The following SLC30A10 variants were observed in gnomAD, a reference collection of about 807,000 sequenced individuals.
SLC30A10 encodes solute carrier family 30 member 10, also known as calcium/manganese antiporter SLC30A10.
A neutral mutation model predicts 21.7 loss-of-function variants in SLC30A10; 8 were observed. The observed-to-expected ratio is 0.37, with a 90% CI of 0.22 to 0.67. SLC30A10 has a LOEUF of 0.67. Among genes scored for constraint, SLC30A10 ranks in the 30% least tolerant of loss-of-function variants. The pLI is 0.58. For synonymous variants in SLC30A10, 272 were observed against 279.4 expected (o/e 0.97, Z 0.26); for missense variants, 521 against 642.5 (o/e 0.81, Z 2.04).
At position 219,928,104 on chromosome 1, in the gene SLC30A10, G is replaced by C. The variant is rs1276127885; in HGVS notation, c.337C>G (p.Pro113Ala). The change falls in exon 1 of 4, where the codon CCC becomes GCC. Residue 113 changes from proline (P) to alanine (A), a missense_variant. Pro to Ala is a conservative substitution (Grantham distance 27). Coordinates refer to ENST00000366926, the MANE Select transcript of SLC30A10 (RefSeq NM_018713.3). The surrounding 1 kb of genome is among the most constrained non-coding windows in gnomAD (Gnocchi z 6.3). The part of the protein sequence containing the change: ...RLARPERIDD[P>A]ELVLIVGVLG... ...ACGCCGACGATGAGCACCAGCTCGGGGTCATCGATGCGCTCGGGCCGGGCC... is the reference window on the plus strand; with the variant it reads ...ACGCCGACGATGAGCACCAGCTCGGCGTCATCGATGCGCTCGGGCCGGGCC... 6 of 1,578,360 alleles carry C rather than the reference G, an allele frequency of 3.8e-6. No homozygotes were observed. The highest frequency in any genetic ancestry group is 5.2e-6 in the Non-Finnish European group (6 of 1,163,250).
At chr1:219,942,553 T>C (rs1558259394) in intron 1 of SLC30A10, among the ~76,000 whole-genome samples, 1 of 152,236 alleles carries the variant, frequency 6.6e-6, no homozygotes, top group East Asian at 1.9e-4. Flanking sequence ...GGTCTTCATG[T>C]GGTAATGCAG....
chr1:219,924,068 AAAAC>A (rs531984403), intron 2 of SLC30A10, among the ~76,000 whole-genome samples: 23 of 152,326 alleles, frequency 1.5e-4, no homozygotes, highest in East Asian at 3.9e-4. Context: ...CTCAAAAAAC[AAAAC>A]AAACAAACAA....
In SLC30A10 at chr1:219,918,771, A is replaced by G; in HGVS notation, c.719-277T>C. 2.9e-6 allele frequency: 1 copy of G among 341,632 alleles called. No homozygotes were observed. The highest frequency in any genetic ancestry group is 5.3e-6 in the Non-Finnish European group (1 of 190,424). 21.2% of individuals were successfully genotyped at this position (341,632 alleles called of 1,614,324 possible). ...AGCGACTGTGCCGTCTCACTGGGCCACATCGCTACCACTCACCACCCATCA... is the reference window on the plus strand; with the variant it reads ...AGCGACTGTGCCGTCTCACTGGGCCGCATCGCTACCACTCACCACCCATCA... On this transcript the variant is annotated intron_variant, in intron 2 of 3. Transcript: ENST00000366926. This position sits in a 1 kb window ranked among gnomAD's most constrained non-coding sequence, Gnocchi z 4.4.
rs763625686 is a variant in SLC30A10 at position 219,910,579 on chromosome 1, T to C, written c.*4870A>G. On this transcript the variant is annotated 3_prime_UTR_variant, in exon 4 of 4. Coordinates refer to ENST00000366926, the MANE Select transcript of SLC30A10 (RefSeq NM_018713.3). ...ACTTTATGTCTTAGAGTTTTGACAG[T>C]TCTCTCAAATGTGAGGATTGCAACT... Among the ~76,000 whole-genome samples the C allele has an allele frequency of 6.6e-6, 1 of 152,204 alleles. No homozygotes were observed. Among genetic ancestry groups the C allele is most frequent in the Non-Finnish European group, 1.5e-5 (1 of 68,034 alleles).
intron 2 of SLC30A10, among the ~76,000 whole-genome samples, chr1:219,922,177 T>TGTGTGTGTGTG (rs1194378922): frequency 0.12 from 3,398 of 29,320 alleles, 205 homozygotes; most frequent in Middle Eastern, 0.22. Flanking sequence ...TGTGTGTGTG[T>TGTGTGTGTGTG]TTTTTTTTTT....
At chr1:219,956,272 G>T (rs906617890) in intron 1 of SLC30A10, among the ~76,000 whole-genome samples, 1 of 152,120 alleles carries the variant, frequency 6.6e-6, no homozygotes, top group African/African-American at 2.4e-5. Context: ...CTGGGCTCAA[G>T]TGATCCTCCT....
chr1:219,957,328 G>A (rs1231817859), intron 1 of SLC30A10, among the ~76,000 whole-genome samples: 2 of 152,080 alleles, frequency 1.3e-5, no homozygotes, highest in Admixed American at 6.6e-5. Context: ...TCCAACTGAC[G>A]TAATTTATCA....
chr1:219,945,926 A>C (rs1660181490), intron 1 of SLC30A10, among the ~76,000 whole-genome samples: 1 of 152,214 alleles, frequency 6.6e-6, no homozygotes, highest in Non-Finnish European at 1.5e-5. Context: ...AAACTGCTGA[A>C]GGAACTCCAA....
chr1:219,941,859 G>T (rs1196150103), intron 1 of SLC30A10, among the ~76,000 whole-genome samples: 1 of 152,188 alleles, frequency 6.6e-6, no homozygotes, highest in Non-Finnish European at 1.5e-5. Context: ...GCTGGGAAAG[G>T]ATACCATGTG....
chr1:219,916,555 A>G (rs1659549670), intron 3 of SLC30A10, among the ~76,000 whole-genome samples: 1 of 152,244 alleles, frequency 6.6e-6, no homozygotes. Context: ...TGTGTATGGT[A>G]TGATCTTTCT....
Position 219,927,951 on chromosome 1 carries a change from G to A in SLC30A10, c.490C>T (p.Pro164Ser). The change falls in exon 1 of 4, where the codon CCC becomes TCC. Residue 164 changes from proline to serine, a missense_variant. By Grantham distance (74) the Pro-to-Ser change is moderately conservative. Transcript: ENST00000366926. ...CCCTGAGGCCCCCCGAAAGCGCCGG[G>A]GACACAGCCCTCCGCCAGCTGCTGC... ...QRQQLAEGCVPGAFGGPQGAE... is the reference protein window; with the variant it reads ...QRQQLAEGCVSGAFGGPQGAE... The A allele has an allele frequency of 2.6e-6, 4 of 1,543,490 alleles. No individual in the cohort carries two copies. The South Asian group carries it at 4.8e-5, about 18-fold the overall frequency.
In SLC30A10 at chr1:219,928,555, A is replaced by G; in HGVS notation, c.-115T>C. The stretch of plus-strand genomic sequence containing the variant: ...GTGAGGCCCGGTACCCGCCTCCCAG[A>G]TTGTCTCGCCGGCCCTGCCCCACCG... On this transcript the variant is annotated 5_prime_UTR_variant, in exon 1 of 4. Transcript: ENST00000366926. This position sits in a 1 kb window ranked among gnomAD's most constrained non-coding sequence, Gnocchi z 6.3. The G allele has an allele frequency of 1.4e-6, 1 of 726,902 alleles. No homozygotes were observed. The highest frequency in any genetic ancestry group is 1.9e-6 in the Non-Finnish European group (1 of 523,030). The allele number at this position is 726,902 out of a possible 1,614,324, so 45.0% of individuals were successfully genotyped here.
chr1:219,953,996 G>A (rs186214042), intron 1 of SLC30A10, among the ~76,000 whole-genome samples: 6 of 151,906 alleles, frequency 3.9e-5, no homozygotes, highest in Admixed American at 2.6e-4. Flanking sequence ...GTGAGCCACC[G>A]CGCCCGGCCT....
intron 1 of SLC30A10, among the ~76,000 whole-genome samples, chr1:219,957,025 C>A (rs991236863): frequency 6.6e-5 from 10 of 152,046 alleles, no homozygotes; most frequent in African/African-American, 2.4e-4. Flanking sequence ...TAAATTTATA[C>A]CTAGCAATAA....
intron 2 of SLC30A10, among the ~76,000 whole-genome samples, chr1:219,922,195 T>TG (rs1558252160): frequency 3.6e-5 from 1 of 27,888 alleles, no homozygotes; most frequent in African/African-American, 1.2e-4. Flanking sequence ...TTTTTTTTTT[T>TG]TTTTTTTTTT....
chr1:219,931,428 T>TACACAC (rs10643455), upstream of SLC30A10, among the ~76,000 whole-genome samples: 156 of 151,046 alleles, frequency 1.0e-3, no homozygotes, highest in African/African-American at 3.6e-3. Flanking sequence ...GTACTAAAAC[T>TACACAC]ACACACACAC....
At chr1:219,930,321 T>A (rs1571804933), upstream of SLC30A10, among the ~76,000 whole-genome samples, 1 of 151,328 alleles carries the variant, frequency 6.6e-6, no homozygotes, top group Admixed American at 6.6e-5. Flanking sequence ...AAAATAAAAA[T>A]AAAAAAAATT....
chr1:219,930,646 T>C (rs572224954), upstream of SLC30A10, among the ~76,000 whole-genome samples: 1 of 152,358 alleles, frequency 6.6e-6, no homozygotes, highest in South Asian at 2.1e-4. Flanking sequence ...ACTCAGAGCT[T>C]ATTAAATATT....
intron 1 of SLC30A10, among the ~76,000 whole-genome samples, chr1:219,954,725 A>T (rs538455452): frequency 6.6e-6 from 1 of 151,062 alleles, no homozygotes; most frequent in South Asian, 2.1e-4. Flanking sequence ...AAGGAAAGGC[A>T]TTTTTTTAAG....
Sources: allele counts gnomAD v4.1 joint callset (sites outside exome capture counted in the v4.1 genomes callset), GRCh38; gene constraint gnomAD v4.1.1; non-coding constraint Gnocchi (gnomAD v3.1); transcripts MANE v1.5; gene names NCBI Gene and HGNC (gene_info 2026-07-23, HGNC 2026-07-21).